Variants in KDM5B observed in about 807,000 individuals in gnomAD.
KDM5B encodes the protein lysine-specific demethylase 5B.
KDM5B carries 144 observed loss-of-function variants against 193.4 expected under a neutral mutation model. That is an observed-to-expected ratio of 0.74 (90% CI 0.65 to 0.86). The LOEUF (loss-of-function observed/expected upper bound fraction) is 0.86. KDM5B is among the 40% of genes least tolerant of loss of function. The pLI is 0.00. For synonymous variants in KDM5B, 668 were observed against 682.6 expected (o/e 0.98, Z 0.33); for missense variants, 1,833 against 1,886.9 (o/e 0.97, Z 0.53).
intron 4 of KDM5B, among the ~76,000 whole-genome samples, chr1:202,771,412 TG>T (rs1398702959): frequency 2.7e-5 from 4 of 150,510 alleles, no homozygotes; most frequent in Non-Finnish European, 4.4e-5. Context: ...TTTTTTTTTT[TG>T]TATTTTTAGT....
chr1:202,778,312 CAT>C (rs1423048546), intron 1 of KDM5B, among the ~76,000 whole-genome samples: 1 of 151,968 alleles, frequency 6.6e-6, no homozygotes, highest in Non-Finnish European at 1.5e-5. Flanking sequence ...CACACACACA[CAT>C]ATATGTATGA....
intron 25 of KDM5B, among the ~76,000 whole-genome samples, chr1:202,730,609 C>T (rs988021656): frequency 2.0e-5 from 3 of 152,134 alleles, no homozygotes; most frequent in African/African-American, 7.2e-5. Flanking sequence ...TGAAGTTCTT[C>T]CCTAATTTGG....
chr1:202,781,021 G>C (rs924836893), intron 1 of KDM5B, among the ~76,000 whole-genome samples: 5 of 152,074 alleles, frequency 3.3e-5, no homozygotes, highest in African/African-American at 1.2e-4. Flanking sequence ...TTTTAGTTTA[G>C]AATAAAAATG....
chr1:202,730,030 G>A lies in KDM5B; in HGVS notation c.4177-3C>T, dbSNP rs752566202. The A allele has an allele frequency of 4.4e-6, 7 of 1,603,040 alleles. No individual in the cohort carries two copies. The highest frequency in any genetic ancestry group is 6.0e-6 in the Non-Finnish European group (7 of 1,174,922). On this transcript the variant is annotated splice_region_variant and splice_polypyrimidine_tract_variant and intron_variant, in intron 25 of 26. Coordinates refer to ENST00000367265, the MANE Select transcript of KDM5B (RefSeq NM_006618.5). ...CGCTTCCCTCGGCAACAGTCATTCT[G>A]GGTGGAAGATAGGAAAGTTCAATTT... is the stretch of plus-strand genomic sequence containing the variant.
At position 202,763,820 on chromosome 1, in the gene KDM5B, C is replaced by T. The variant is rs530866734; in HGVS notation, c.808+229G>A. Among the ~76,000 whole-genome samples, 11 of 152,266 alleles carry T rather than the reference C, an allele frequency of 7.2e-5. No individual in the cohort carries two copies. In the South Asian group the frequency reaches 2.3e-3, roughly 32 times the overall value. Reference sequence around the variant, plus strand: ...CTCATCCACACTCCTAATATGCATACATATAGTTTCTGTTTCTCTCTCCCA... The same window carrying T: ...CTCATCCACACTCCTAATATGCATATATATAGTTTCTGTTTCTCTCTCCCA... On this transcript the variant is annotated intron_variant, in intron 6 of 26. Coordinates refer to ENST00000367265, the MANE Select transcript of KDM5B (RefSeq NM_006618.5).
intron 6 of KDM5B, among the ~76,000 whole-genome samples, chr1:202,763,634 C>T (rs1275747268): frequency 6.6e-6 from 1 of 152,204 alleles, no homozygotes. Flanking sequence ...GATACCCAGG[C>T]AAGCAATTAA....
intron 18 of KDM5B, 25 bp downstream of exon 18, chr1:202,742,366 C>T: frequency 6.7e-7 from 1 of 1,496,134 alleles, no homozygotes; most frequent in Non-Finnish European, 9.3e-7. Context: ...CCAAAGTATT[C>T]TCCCACACAT....
chr1:202,774,509 C>G, intron 3 of KDM5B, 104 bp downstream of exon 3: 2 of 1,063,744 alleles, frequency 1.9e-6, no homozygotes, highest in East Asian at 2.5e-5. Context: ...ATTACAGGTG[C>G]GAGCCACCTG....
chr1:202,746,807 G>T (rs372491441), intron 14 of KDM5B, among the ~76,000 whole-genome samples: 1 of 152,136 alleles, frequency 6.6e-6, no homozygotes, highest in South Asian at 2.1e-4. Context: ...GATGCTGAGT[G>T]GTCTCTCAGC....
At chr1:202,741,937 CTTTT>C (rs35991410) in intron 18 of KDM5B, among the ~76,000 whole-genome samples, 1 of 147,232 alleles carries the variant, frequency 6.8e-6, no homozygotes, top group Non-Finnish European at 1.5e-5. Context: ...GTCACTTTCT[CTTTT>C]TTTTTTTTTC....
At chr1:202,763,288 A>C (rs567036134) in intron 6 of KDM5B, among the ~76,000 whole-genome samples, 1 of 152,284 alleles carries the variant, frequency 6.6e-6, no homozygotes, top group Admixed American at 6.5e-5. Flanking sequence ...TCAATTACTG[A>C]ACTATCATGT....
intron 20 of KDM5B, among the ~76,000 whole-genome samples, chr1:202,736,949 A>G (rs1048270564): frequency 7.9e-5 from 12 of 152,274 alleles, no homozygotes; most frequent in Admixed American, 1.3e-4. Context: ...TAGAGAACCT[A>G]GTTTGTGCTA....
intron 11 of KDM5B, 68 bp from the exon 12 acceptor site, chr1:202,753,135 TA>T (rs1357569091): frequency 3.6e-5 from 49 of 1,368,850 alleles, no homozygotes; most frequent in Non-Finnish European, 4.7e-5. Context: ...TACCAGTTCA[TA>T]TTTTTCAGAC....
At chr1:202,797,237 G>A (rs936405286) in intron 1 of KDM5B, 1 of 152,202 alleles carries the variant, frequency 6.6e-6, no homozygotes, top group African/African-American at 2.4e-5. Context: ...TCCAGGGGTA[G>A]GCTGCCCCTC....
chr1:202,788,006 C>T (rs909199433), intron 1 of KDM5B, among the ~76,000 whole-genome samples: 10 of 152,088 alleles, frequency 6.6e-5, no homozygotes, highest in African/African-American at 2.4e-4. Flanking sequence ...CAAGGGTCCT[C>T]GGCCCACACC....
chr1:202,767,699 A>G (rs939822126), intron 4 of KDM5B, among the ~76,000 whole-genome samples: 4 of 152,052 alleles, frequency 2.6e-5, no homozygotes, highest in Non-Finnish European at 5.9e-5. Context: ...GGTTTAAAAC[A>G]TTAAAAAAAA....
At chr1:202,747,561 C>T (rs925265675) in intron 14 of KDM5B, among the ~76,000 whole-genome samples, 1 of 121,138 alleles carries the variant, frequency 8.3e-6, no homozygotes, top group Non-Finnish European at 1.7e-5. Flanking sequence ...CAAAAAGGCA[C>T]ATATTTTTAA....
intron 14 of KDM5B, chr1:202,746,673 T>G (rs1389558604): frequency 5.8e-6 from 1 of 171,134 alleles, no homozygotes; most frequent in East Asian, 1.5e-4. Flanking sequence ...TAGATAAGAT[T>G]AAAAGAAAGG....
In KDM5B at chr1:202,730,011, C is replaced by T. The variant is rs1196575487; in HGVS notation, c.4193G>A (p.Gly1398Glu). The T allele has an allele frequency of 6.2e-7, 1 of 1,610,862 alleles. No homozygotes were observed. The highest frequency in any genetic ancestry group is 1.3e-5 in the African/African-American group (1 of 74,686). Residue 1398 changes from glycine (G) to glutamate (E), a missense_variant, in exon 26 of 27, where the codon GGG (glycine) becomes GAG (glutamate). Coordinates refer to ENST00000367265, the MANE Select transcript of KDM5B (RefSeq NM_006618.5). ...AAGACTGTTAATTCCATCTCGCTTC[C>T]CTCGGCAACAGTCATTCTGGGTGGA... ...PSSEKNDCCR[G>E]KRDGINSLER...
Sources: gnomAD v4.1 joint callset for allele counts (sites outside exome capture counted in the v4.1 genomes callset) on GRCh38, gnomAD v4.1.1 for gene constraint, MANE v1.5 for transcripts, NCBI Gene and HGNC (gene_info 2026-07-23, HGNC 2026-07-21) for gene names.